Variants in LYST observed in about 807,000 individuals in gnomAD.
LYST encodes the protein lysosomal trafficking regulator, also known as lysosomal-trafficking regulator.
Under a neutral mutation model 413.6 loss-of-function variants are expected in LYST, and 192 were observed. The ratio of observed to expected loss-of-function variants is 0.46; its 90% CI spans 0.41 to 0.52. The LOEUF is 0.52. LYST is among the 20% of genes least tolerant of loss of function. LYST has a pLI of 0.00. For missense variants in LYST, 3,815 were observed against 4,499.9 expected (o/e 0.85, Z 4.35); for synonymous variants, 1,525 against 1,567.3 (o/e 0.97, Z 0.64).
Position 235,674,401 on chromosome 1 carries a change from G to A in LYST, c.11038+2690C>T, listed in dbSNP as rs1463652613. On this transcript the variant is annotated intron_variant, in intron 50 of 52. Coordinates refer to ENST00000389793, the MANE Select transcript of LYST (RefSeq NM_000081.4). This position sits in a 1 kb window ranked among gnomAD's most constrained non-coding sequence, Gnocchi z 4.1. ...CATCAACCAAATAGAAAGAACAATC[G>A]TAAAAAAAAAAAAAAAAGTGTCCCC... is the stretch of plus-strand genomic sequence containing the variant. Among the ~76,000 whole-genome samples, 3 of 137,858 alleles carry A rather than the reference G, an allele frequency of 2.2e-5. No individual in the cohort carries two copies. The highest frequency in any genetic ancestry group is 2.2e-4 in the South Asian group (1 of 4,454). The allele number at this position is 137,858 out of a possible 152,430, so 90.4% of individuals were successfully genotyped here.
At chr1:235,858,989 C>G (rs1679541381) in intron 1 of LYST, among the ~76,000 whole-genome samples, 1 of 152,174 alleles carries the variant, frequency 6.6e-6, no homozygotes. Context: ...TCACATGCCC[C>G]TAGTTAAGTC....
upstream of LYST, chr1:235,866,982 C>T (rs1680632130): frequency 6.5e-6 from 1 of 153,066 alleles, no homozygotes; most frequent in Non-Finnish European, 1.5e-5. Context: ...CACCCCCTCC[C>T]TCCCCTCGTC....
intron 11 of LYST, 104 bp downstream of exon 11, chr1:235,793,399 G>C (rs1671221205): frequency 1.6e-6 from 1 of 611,012 alleles, no homozygotes; most frequent in Non-Finnish European, 2.9e-6. Context: ...CACATCAAAA[G>C]AAAGAGCTTA....
At chr1:235,665,087 C>T (rs1191919258) in intron 50 of LYST, among the ~76,000 whole-genome samples, 1 of 152,066 alleles carries the variant, frequency 6.6e-6, no homozygotes, top group African/African-American at 2.4e-5. Flanking sequence ...AGCCACTGCA[C>T]CAGGCCAAGT....
chr1:235,771,917 GTTTTTTTTTTTTT>G (rs1215590592), intron 19 of LYST, among the ~76,000 whole-genome samples: 1 of 72,728 alleles, frequency 1.4e-5, no homozygotes, highest in East Asian at 4.3e-4. Flanking sequence ...TTTTTAGTTT[GTTTTTTTTTTTTT>G]TTTTTTTTTT....
At chr1:235,787,523 T>C in intron 13 of LYST, 150 bp from the exon 14 acceptor site, 2 of 684,348 alleles carry the variant, frequency 2.9e-6, no homozygotes. Flanking sequence ...TAGGTCTTCG[T>C]TTTATACCAT....
chr1:235,830,064 A>C (rs574845699), intron 3 of LYST, 162 bp downstream of exon 3: 1 of 605,136 alleles, frequency 1.7e-6, no homozygotes, highest in African/African-American at 1.9e-5. Context: ...TATTCAAATA[A>C]ACAATATGGT....
intron 22 of LYST, among the ~76,000 whole-genome samples, chr1:235,760,910 A>G (rs992469196): frequency 2.0e-5 from 3 of 152,240 alleles, no homozygotes; most frequent in East Asian, 3.8e-4. Flanking sequence ...ATGTTTCAAC[A>G]TGACAGATGA....
Position 235,791,692 on chromosome 1 carries a change from A to G in LYST, c.4543+7T>C, listed in dbSNP as rs763560832. On this transcript the variant is annotated splice_region_variant and intron_variant, in intron 12 of 52. Coordinates refer to ENST00000389793, the MANE Select transcript of LYST (RefSeq NM_000081.4). ...TGTGTACAAATCAGATAATCCTGTC[A>G]TCATACCTGTACCATCAAAACTGCT... The G allele has an allele frequency of 1.2e-6, 2 of 1,601,296 alleles. No individual in the cohort carries two copies. The highest frequency in any genetic ancestry group is 2.2e-5 in the South Asian group (2 of 90,700).
At chr1:235,679,669 G>A (rs1324545541) in intron 48 of LYST, among the ~76,000 whole-genome samples, 2 of 152,006 alleles carry the variant, frequency 1.3e-5, no homozygotes, top group Admixed American at 6.6e-5. Flanking sequence ...CCAGCCTGGG[G>A]CCACCTTAAC....
intron 26 of LYST, among the ~76,000 whole-genome samples, 193 bp from the exon 27 acceptor site, chr1:235,752,364 T>G (rs1666584703): frequency 6.6e-6 from 1 of 152,124 alleles, no homozygotes; most frequent in Non-Finnish European, 1.5e-5. Context: ...GAAATAGAAA[T>G]AAGATACACT....
In LYST at chr1:235,759,150, A is replaced by G; in HGVS notation, c.6703T>C (p.Ser2235Pro). 1 of 1,614,186 alleles carries G rather than the reference A, an allele frequency of 6.2e-7. No individual in the cohort carries two copies. The highest frequency in any genetic ancestry group is 8.5e-7 in the Non-Finnish European group (1 of 1,180,014). The change falls in exon 23 of 53, where the codon TCC (serine) becomes CCC (proline). Residue 2235 changes from serine to proline, a missense_variant. Coordinates refer to ENST00000389793, the MANE Select transcript of LYST (RefSeq NM_000081.4). ...ATAGTGCTGTGGCTTCGCTGGAAGG[A>G]GGCCAATCCCTTTAGGTAATCAGGT... ...RRPDYLKGLA[S>P]FQRSHSTIAS...
rs1666669094 is a variant in LYST at position 235,753,117 on chromosome 1, C to G, written c.7387G>C (p.Asp2463His). The G allele has an allele frequency of 6.2e-7, 1 of 1,609,398 alleles. No individual in the cohort carries two copies. Residue 2463 changes from aspartate to histidine, a missense_variant, in exon 26 of 53, where the codon GAT (aspartate) becomes CAT (histidine). Physicochemically the swap from Asp to His is moderately conservative, Grantham distance 81. This residue lies in a region of LYST where 771 missense variants were observed against 837.1 expected (regional missense o/e 0.92). Transcript: ENST00000389793. ...QILNSCSKVA[D>H]MLLDNGLLYV... is the part of the protein sequence containing the mutation. ...AGTAGACCATTATCCAGCAACATAT[C>G]TGCTACCTTAGAACAAGAATTTAAA... is the stretch of plus-strand genomic sequence containing the variant.
chr1:235,773,081 C>A (rs1323474173), intron 19 of LYST, among the ~76,000 whole-genome samples: 1 of 152,082 alleles, frequency 6.6e-6, no homozygotes, highest in Non-Finnish European at 1.5e-5. Flanking sequence ...TCTTGGGAAG[C>A]CGAGGCAGGC....
At chr1:235,734,750 T>A in intron 31 of LYST, 91 bp from the exon 32 acceptor site, 1 of 839,920 alleles carries the variant, frequency 1.2e-6, no homozygotes. Context: ...TTGCTAGATT[T>A]ATTTGGTTGC....
chr1:235,725,941 C>A (rs892595658), intron 38 of LYST, among the ~76,000 whole-genome samples: 1 of 151,978 alleles, frequency 6.6e-6, no homozygotes, highest in East Asian at 1.9e-4. Context: ...TCCCAAAGTA[C>A]AAAATCAAGA....
At chr1:235,762,591 T>C (rs1667700861) in intron 22 of LYST, 129 bp downstream of exon 22, 2 of 896,776 alleles carry the variant, frequency 2.2e-6, no homozygotes, top group Admixed American at 2.0e-5. Flanking sequence ...TGAGGACCTG[T>C]GCTGGGTGTC....
At chr1:235,701,400 C>A (rs771619563) in intron 45 of LYST, among the ~76,000 whole-genome samples, 2 of 152,060 alleles carry the variant, frequency 1.3e-5, no homozygotes, top group Admixed American at 6.6e-5. Context: ...GAGGCCGAGG[C>A]GGGCAGATCA....
At chr1:235,747,683 G>A (rs1666063550) in intron 28 of LYST, among the ~76,000 whole-genome samples, 3 of 152,070 alleles carry the variant, frequency 2.0e-5, no homozygotes, top group South Asian at 4.1e-4. Flanking sequence ...GTAATTCAGC[G>A]GTATGATAAT....
Sources: gnomAD v4.1 joint callset for allele counts (sites outside exome capture counted in the v4.1 genomes callset) on GRCh38, gnomAD v4.1.1 for gene constraint, gnomAD v4.1.1 regional missense constraint, Gnocchi (gnomAD v3.1) non-coding constraint, MANE v1.5 for transcripts, NCBI Gene and HGNC (gene_info 2026-07-23, HGNC 2026-07-21) for gene names.